The following ACVR1B variants were observed in gnomAD, a reference collection of about 807,000 sequenced individuals.
The protein encoded by ACVR1B is activin receptor type-1B.
Under a neutral mutation model 55.6 loss-of-function variants are expected in ACVR1B, and 15 were observed. The ratio of observed to expected loss-of-function variants is 0.27; its 90% confidence interval spans 0.18 to 0.42. The LOEUF is 0.42. ACVR1B is among the 10% of genes least tolerant of loss of function. ACVR1B has a pLI of 1.00. For synonymous variants in ACVR1B, 247 were observed against 254.6 expected (o/e 0.97, Z 0.28); for missense variants, 359 against 670.1 (o/e 0.54, Z 5.13).
intron 7 of ACVR1B, chr12:51,987,300 G>A (rs1046158567): frequency 2.6e-5 from 15 of 568,558 alleles, no homozygotes; most frequent in Non-Finnish European, 3.7e-5. Flanking sequence ...ATTCTAACGC[G>A]GTGGCTCCCA....
At chr12:51,982,616 T>G in intron 4 of ACVR1B, 1 of 1,419,040 alleles carries the variant, frequency 7.0e-7, no homozygotes, top group Non-Finnish European at 9.2e-7. Flanking sequence ...TGTGGCATGG[T>G]GCAATTTAGA....
intron 1 of ACVR1B, among the ~76,000 whole-genome samples, chr12:51,973,988 G>A (rs1227218286): frequency 6.6e-6 from 1 of 152,216 alleles, no homozygotes; most frequent in East Asian, 1.9e-4. Context: ...AATATTGGAG[G>A]AAGAGACGAA....
In ACVR1B at chr12:51,995,334, T is replaced by G. The variant is rs1157322755; in HGVS notation, c.*1224T>G. The G allele has an allele frequency of 6.6e-6, 1 of 152,080 alleles. No individual in the cohort carries two copies. The highest frequency in any genetic ancestry group is 2.4e-5 in the African/African-American group (1 of 41,370). The allele number at this position is 152,080 out of a possible 1,614,324, so 9.4% of individuals were successfully genotyped here. On this transcript the variant is annotated 3_prime_UTR_variant, in exon 9 of 9. Transcript: ENST00000257963. ...CTGGGGTGGGAGGGAGGCATCTGCATGGGTCTTCTTTTACTGGACTGTCTG... is the reference window on the plus strand; with the variant it reads ...CTGGGGTGGGAGGGAGGCATCTGCAGGGGTCTTCTTTTACTGGACTGTCTG...
chr12:51,970,471 C>G (rs1333190674), intron 1 of ACVR1B, among the ~76,000 whole-genome samples: 1 of 152,202 alleles, frequency 6.6e-6, no homozygotes, highest in African/African-American at 2.4e-5. Context: ...GATACAATAA[C>G]ACAGCGTAGC....
intron 8 of ACVR1B, among the ~76,000 whole-genome samples, chr12:51,993,720 T>G (rs1017816724): frequency 1.8e-4 from 22 of 123,430 alleles, no homozygotes; most frequent in African/African-American, 6.4e-4. Flanking sequence ...TGAGCCAAGA[T>G]TGCGCCACTG....
intron 2 of ACVR1B, among the ~76,000 whole-genome samples, chr12:51,975,943 AG>A (rs1941842345): frequency 6.6e-6 from 1 of 152,244 alleles, no homozygotes; most frequent in Non-Finnish European, 1.5e-5. Flanking sequence ...TCCTTTTGCA[AG>A]CCTACCATTC....
chr12:51,975,174 A>G lies in ACVR1B; in HGVS notation c.92-91A>G, dbSNP rs937107809. 14 of 1,514,852 alleles carry G rather than the reference A, an allele frequency of 9.2e-6. No homozygotes were observed. The Middle Eastern group carries it at 5.3e-4, about 57-fold the overall frequency. 93.8% of individuals were successfully genotyped at this position (1,514,852 alleles called of 1,614,324 possible). A position where few individuals can be genotyped will look rare whatever the true frequency, so the allele number is the denominator to read the frequency against. ...CTATAAAAACTGTTTTGGAACATCA[A>G]GTATGCTAAGGGATTATATTCTAAG... On this transcript the variant is annotated intron_variant, in intron 1 of 8. Coordinates refer to ENST00000257963, the MANE Select transcript of ACVR1B (RefSeq NM_004302.5).
intron 1 of ACVR1B, among the ~76,000 whole-genome samples, chr12:51,964,089 A>G (rs760638602): frequency 6.6e-6 from 1 of 152,184 alleles, no homozygotes; most frequent in Non-Finnish European, 1.5e-5. Flanking sequence ...GGCCATTTGT[A>G]TATCTTCGGA....
chr12:51,993,908 A>C, intron 8 of ACVR1B, 77 bp from the exon 9 acceptor site: 1 of 1,571,914 alleles, frequency 6.4e-7, no homozygotes, highest in Non-Finnish European at 8.6e-7. Flanking sequence ...GGTGGCAGGG[A>C]AATGAGTGAG....
chr12:51,982,639 C>T lies in ACVR1B; in HGVS notation c.812-1360C>T. On this transcript the variant is annotated intron_variant, in intron 4 of 8. Transcript: ENST00000257963. ...GGTGCAATTTAGAAGTTAGTGTCTA[C>T]AAAGCCTACAGAAGATGCTATTTGT... 2.0e-6 allele frequency: 3 copies of T among 1,481,022 alleles called. No homozygotes were observed. The South Asian group carries it at 4.0e-5, about 20-fold the overall frequency. 91.7% of individuals were successfully genotyped at this position (1,481,022 alleles called of 1,614,324 possible).
chr12:51,994,261 T>G lies in ACVR1B; in HGVS notation c.*151T>G. ...AAGAGGGACAGAGCCCGGGAGAGAC[T>G]CGCTCACTCCCATGTTGGGTTTGAG... On this transcript the variant is annotated 3_prime_UTR_variant, in exon 9 of 9. Coordinates refer to ENST00000257963, the MANE Select transcript of ACVR1B (RefSeq NM_004302.5). This position sits in a 1 kb window ranked among gnomAD's most constrained non-coding sequence, Gnocchi z 4.2. The G allele has an allele frequency of 9.3e-7, 1 of 1,076,034 alleles. No individual in the cohort carries two copies. The highest frequency in any genetic ancestry group is 1.3e-6 in the Non-Finnish European group (1 of 755,706). The allele number at this position is 1,076,034 out of a possible 1,614,324, so 66.7% of individuals were successfully genotyped here.
At chr12:51,975,645 G>A (rs547462791) in intron 2 of ACVR1B, 141 bp downstream of exon 2, 13 of 1,220,744 alleles carry the variant, frequency 1.1e-5, no homozygotes, top group Non-Finnish European at 1.3e-5. Flanking sequence ...ACAAAGGCTG[G>A]GGTTTCTCAG....
intron 6 of ACVR1B, 122 bp downstream of exon 6, chr12:51,985,470 C>A: frequency 8.4e-7 from 1 of 1,183,664 alleles, no homozygotes; most frequent in Non-Finnish European, 1.2e-6. Context: ...TTGCTCTCAG[C>A]CCACTGAAAG....
At chr12:51,985,136 T>C in intron 5 of ACVR1B, 56 bp from the exon 6 acceptor site, 2 of 1,540,150 alleles carry the variant, frequency 1.3e-6, no homozygotes, top group East Asian at 2.3e-5. Context: ...GCATAGTCTA[T>C]GCTTTTAACA....
chr12:51,975,152 T>TA, intron 1 of ACVR1B, 113 bp from the exon 2 acceptor site: 1 of 1,464,344 alleles, frequency 6.8e-7, no homozygotes, highest in Non-Finnish European at 9.1e-7. Context: ...CCCATCTCTA[T>TA]AAAAACTGTT....
At chr12:51,956,034 A>C (rs971677208) in intron 1 of ACVR1B, among the ~76,000 whole-genome samples, 7 of 152,154 alleles carry the variant, frequency 4.6e-5, no homozygotes, top group African/African-American at 1.7e-4. Flanking sequence ...TGTTATGGAG[A>C]AATGGTGTGC....
chr12:51,987,174 G>T (rs1453604730), intron 7 of ACVR1B: 2 of 702,602 alleles, frequency 2.8e-6, no homozygotes, highest in Non-Finnish European at 5.3e-6. Flanking sequence ...CCATTCTGAA[G>T]GCTCGTTTGG....
intron 6 of ACVR1B, among the ~76,000 whole-genome samples, chr12:51,986,284 G>A (rs1942074440): frequency 1.3e-5 from 2 of 152,158 alleles, no homozygotes; most frequent in African/African-American, 4.8e-5. Context: ...TTGATATGGA[G>A]TTTCGCTCTT....
At chr12:51,963,464 T>C (rs572761815) in intron 1 of ACVR1B, among the ~76,000 whole-genome samples, 42 of 152,348 alleles carry the variant, frequency 2.8e-4, no homozygotes, top group African/African-American at 9.9e-4. Flanking sequence ...CAGGCTGGTT[T>C]CGACTGTAAG....
Sources: gnomAD v4.1 joint callset for allele counts (sites outside exome capture counted in the v4.1 genomes callset) on GRCh38, gnomAD v4.1.1 for gene constraint, Gnocchi (gnomAD v3.1) non-coding constraint, MANE v1.5 for transcripts, NCBI Gene and HGNC (gene_info 2026-07-23, HGNC 2026-07-21) for gene names.